RUNDC3B: variants seen among roughly 807,000 people sequenced by gnomAD.
The protein encoded by RUNDC3B is RUN domain containing 3B.
In RUNDC3B, 33 loss-of-function variants were observed where a neutral mutation model predicts 58.4. That is an observed-to-expected ratio of 0.56 (90% confidence interval 0.43 to 0.75). The LOEUF is 0.75. Ranked by LOEUF, RUNDC3B falls within the 30% of genes least tolerant of loss-of-function variation. RUNDC3B has a pLI of 0.00. For synonymous variants in RUNDC3B, 193 were observed against 195.2 expected (o/e 0.99, Z 0.10); for missense variants, 501 against 535.7 (o/e 0.94, Z 0.64).
intron 4 of RUNDC3B, among the ~76,000 whole-genome samples, chr7:87,716,426 G>A (rs1207531840): frequency 6.6e-6 from 1 of 152,184 alleles, no homozygotes; most frequent in Non-Finnish European, 1.5e-5. Flanking sequence ...TGAACTGTTT[G>A]AACCTCTTGG....
intron 6 of RUNDC3B, among the ~76,000 whole-genome samples, chr7:87,752,018 A>T (rs1177123662): frequency 6.6e-6 from 1 of 152,220 alleles, no homozygotes; most frequent in African/African-American, 2.4e-5. Context: ...GGTTTGTCGT[A>T]GATAGCTGTT....
Position 87,650,900 on chromosome 7 carries a change from A to G in RUNDC3B, c.201A>G (p.Ala67=). The change falls in exon 2 of 11, where the codon GCA becomes GCG. Residue 67 remains alanine (A), a synonymous_variant. Coordinates refer to ENST00000394654, the MANE Select transcript of RUNDC3B (RefSeq NM_001134405.2). ...DDSSPEFNNF[A]AILEQILSHR... ...CTTCTCCTGAATTTAACAATTTTGCAGCTATTTTGGAACAGATTTTAAGCC... is the reference window on the plus strand; with the variant it reads ...CTTCTCCTGAATTTAACAATTTTGCGGCTATTTTGGAACAGATTTTAAGCC... 6.2e-7 allele frequency: 1 copy of G among 1,612,714 alleles called. No homozygotes were observed. The highest frequency in any genetic ancestry group is 8.5e-7 in the Non-Finnish European group (1 of 1,178,992).
At chr7:87,774,443 T>C (rs1834505746) in intron 7 of RUNDC3B, among the ~76,000 whole-genome samples, 1 of 152,064 alleles carries the variant, frequency 6.6e-6, no homozygotes, top group Non-Finnish European at 1.5e-5. Context: ...AAGAGATAAT[T>C]ATTTGCAAAA....
intron 3 of RUNDC3B, among the ~76,000 whole-genome samples, chr7:87,706,373 G>A (rs1178806543): frequency 6.6e-6 from 1 of 152,030 alleles, no homozygotes; most frequent in African/African-American, 2.4e-5. Flanking sequence ...ATTGAAGGGA[G>A]GAGTAGAAGC....
At chr7:87,640,004 T>G (rs1326198345) in intron 1 of RUNDC3B, among the ~76,000 whole-genome samples, 2 of 151,032 alleles carry the variant, frequency 1.3e-5, no homozygotes, top group South Asian at 4.1e-4. Flanking sequence ...ATGATTCCAG[T>G]TTTTTACTTT....
At chr7:87,827,488 AAAAC>A (rs771375256) in intron 10 of RUNDC3B, among the ~76,000 whole-genome samples, 23 of 152,184 alleles carry the variant, frequency 1.5e-4, no homozygotes, top group South Asian at 4.1e-4. Context: ...CTCTGTCTCA[AAAAC>A]AAACAAACAA....
intron 2 of RUNDC3B, among the ~76,000 whole-genome samples, chr7:87,658,263 G>A (rs960718540): frequency 6.6e-6 from 1 of 152,178 alleles, no homozygotes; most frequent in Admixed American, 6.5e-5. Context: ...AAAAAGTTCA[G>A]TGGATGGACC....
Position 87,716,910 on chromosome 7 carries a change from C to T in RUNDC3B, c.458+6255C>T, listed in dbSNP as rs565362430. Among the ~76,000 whole-genome samples, 3 of 152,304 alleles carry T rather than the reference C, an allele frequency of 2.0e-5. No homozygotes were observed. The South Asian group carries it at 6.2e-4, about 32-fold the overall frequency. ...GCAGTGCAGTGGCACAGTCATGGCTCACTATAGCCTTGACCTCTCAGGCTC... is the reference window on the plus strand; with the variant it reads ...GCAGTGCAGTGGCACAGTCATGGCTTACTATAGCCTTGACCTCTCAGGCTC... On this transcript the variant is annotated intron_variant, in intron 4 of 10. Transcript: ENST00000394654.
intron 2 of RUNDC3B, among the ~76,000 whole-genome samples, chr7:87,666,703 A>T (rs1825286015): frequency 6.6e-6 from 1 of 152,148 alleles, no homozygotes; most frequent in Admixed American, 6.6e-5. Context: ...AATCTTCCAC[A>T]TATGGCTATC....
chr7:87,762,706 A>G (rs1162288344), intron 6 of RUNDC3B, among the ~76,000 whole-genome samples: 1 of 151,546 alleles, frequency 6.6e-6, no homozygotes, highest in Admixed American at 6.6e-5. Flanking sequence ...ATTATGTAAG[A>G]AAATGGCATG....
chr7:87,806,588 G>T (rs1308149714), intron 8 of RUNDC3B, among the ~76,000 whole-genome samples: 2 of 152,114 alleles, frequency 1.3e-5, no homozygotes, highest in Non-Finnish European at 2.9e-5. Flanking sequence ...AATTAATCCT[G>T]TGACAATGAT....
At chr7:87,817,771 C>A (rs777931130) in intron 10 of RUNDC3B, among the ~76,000 whole-genome samples, 11 of 152,126 alleles carry the variant, frequency 7.2e-5, no homozygotes, top group Non-Finnish European at 1.5e-5. Flanking sequence ...TCTGTAAACC[C>A]CCTCTGAACT....
intron 6 of RUNDC3B, among the ~76,000 whole-genome samples, chr7:87,744,470 T>C (rs374103685): frequency 9.2e-5 from 14 of 152,214 alleles, no homozygotes; most frequent in East Asian, 3.8e-4. Context: ...CATTTGTTCA[T>C]GTAATCTGTG....
chr7:87,810,800 GATAT>G (rs1563224693), intron 9 of RUNDC3B, among the ~76,000 whole-genome samples: 1 of 152,040 alleles, frequency 6.6e-6, no homozygotes, highest in East Asian at 1.9e-4. Context: ...TTTCAAACAT[GATAT>G]ACATGTTTGA....
At chr7:87,652,338 T>C (rs1314720087) in intron 2 of RUNDC3B, among the ~76,000 whole-genome samples, 2 of 152,072 alleles carry the variant, frequency 1.3e-5, no homozygotes, top group African/African-American at 2.4e-5. Flanking sequence ...CTCACTACTA[T>C]GTAAGTGGAT....
intron 1 of RUNDC3B, among the ~76,000 whole-genome samples, chr7:87,647,041 G>T (rs542411231): frequency 6.6e-6 from 1 of 152,028 alleles, no homozygotes; most frequent in South Asian, 2.1e-4. Flanking sequence ...CCTCAATCAG[G>T]GTTCATCTGA....
chr7:87,720,320 G>A (rs908030086), intron 4 of RUNDC3B, among the ~76,000 whole-genome samples: 20 of 151,870 alleles, frequency 1.3e-4, no homozygotes, highest in Admixed American at 2.6e-4. Flanking sequence ...ATAGAAAGAT[G>A]AGAGAGAGAG....
At chr7:87,789,562 T>C (rs1835413037) in intron 8 of RUNDC3B, among the ~76,000 whole-genome samples, 1 of 152,194 alleles carries the variant, frequency 6.6e-6, no homozygotes, top group Non-Finnish European at 1.5e-5. Context: ...CATCTGGTCA[T>C]GTATACATTT....
chr7:87,808,428 T>C (rs570655300), intron 9 of RUNDC3B, among the ~76,000 whole-genome samples: 6 of 152,206 alleles, frequency 3.9e-5, no homozygotes, highest in African/African-American at 1.2e-4. Context: ...CTACAAGGAA[T>C]ATTTTAGTAC....
Sources: allele counts gnomAD v4.1 joint callset (sites outside exome capture counted in the v4.1 genomes callset), GRCh38; gene constraint gnomAD v4.1.1; transcripts MANE v1.5; gene names NCBI Gene and HGNC (gene_info 2026-07-23, HGNC 2026-07-21).